CHEK2: variants seen among roughly 807,000 people sequenced by gnomAD.
CHEK2 encodes checkpoint kinase 2.
In CHEK2, 71 loss-of-function variants were observed where a neutral mutation model predicts 69.1. The ratio of observed to expected loss-of-function variants is 1.03; its 90% CI spans 0.85 to 1.25. The LOEUF (loss-of-function observed/expected upper bound fraction) is 1.25, where lower values mean the gene tolerates loss of function less well. CHEK2 is among the 50% of genes most tolerant of loss of function. The pLI is 0.00. For synonymous variants in CHEK2, 189 were observed against 226.9 expected (o/e 0.83, Z 1.50); for missense variants, 664 against 649.6 (o/e 1.02, Z -0.24).
chr22:28,730,790 G>A (rs1249133058), intron 2 of CHEK2, among the ~76,000 whole-genome samples: 1 of 152,090 alleles, frequency 6.6e-6, no homozygotes, highest in Non-Finnish European at 1.5e-5. Flanking sequence ...ACCGGGAGGA[G>A]GAGGTTGCGG....
chr22:28,732,758 G>A (rs1056914643), intron 2 of CHEK2, among the ~76,000 whole-genome samples: 13 of 151,954 alleles, frequency 8.6e-5, no homozygotes, highest in African/African-American at 3.1e-4. Flanking sequence ...ATTCTATCCT[G>A]TTAATGCCAA....
chr22:28,722,553 AAAAAAAGAAAAG>A (rs937316018), intron 4 of CHEK2, among the ~76,000 whole-genome samples: 6 of 151,268 alleles, frequency 4.0e-5, no homozygotes, highest in African/African-American at 1.5e-4. Flanking sequence ...AAAAAAAAAA[AAAAAAAGAAAAG>A]AAAAGAAAAG....
chr22:28,734,224 T>C lies in CHEK2; in HGVS notation c.319+179A>G, dbSNP rs144682905. ...ATCCTGTGACATGTACTTTAGCTTC[T>C]ATTGCCTTCCACTTCAATAAATCTA... is the stretch of plus-strand genomic sequence containing the variant. On this transcript the variant is annotated intron_variant, in intron 2 of 14. Transcript: ENST00000404276. Among the ~76,000 whole-genome samples the C allele has an allele frequency of 7.5e-3, 1,136 of 152,334 alleles. 16 individuals are homozygous for C. The highest frequency in any genetic ancestry group is 0.026 in the African/African-American group (1,095 of 41,570).
chr22:28,723,740 A>G (rs987831764), intron 4 of CHEK2, among the ~76,000 whole-genome samples: 5 of 151,978 alleles, frequency 3.3e-5, no homozygotes, highest in Non-Finnish European at 7.4e-5. Flanking sequence ...TTGAGCTCAG[A>G]AGTCTAAGAC....
At chr22:28,739,820 G>A (rs963206662) in intron 1 of CHEK2, among the ~76,000 whole-genome samples, 2 of 152,150 alleles carry the variant, frequency 1.3e-5, no homozygotes, top group African/African-American at 4.8e-5. Flanking sequence ...GAGTGCTCTT[G>A]ACATAAGTAA....
intron 2 of CHEK2, chr22:28,728,072 A>G (rs1388029623): frequency 3.3e-5 from 5 of 152,240 alleles, no homozygotes; most frequent in Admixed American, 3.3e-4. Context: ...TCGAGGCTGC[A>G]CTAAGCTGTG....
rs115106202 is a variant in CHEK2 at position 28,710,477 on chromosome 22, A to G, written c.793-418T>C. On this transcript the variant is annotated intron_variant, in intron 6 of 14. Transcript: ENST00000404276. The stretch of plus-strand genomic sequence containing the variant: ...CTATGGAACTATTTTTATTCATTAA[A>G]ATGATAAACAAAAAACATGAACAAG... Among the ~76,000 whole-genome samples the G allele has an allele frequency of 1.6e-3, 244 of 152,342 alleles. 1 individual carries two copies. The highest frequency in any genetic ancestry group is 5.7e-3 in the African/African-American group (239 of 41,576).
At chr22:28,709,438 GAACT>G (rs1484993987) in intron 7 of CHEK2, among the ~76,000 whole-genome samples, 1 of 152,070 alleles carries the variant, frequency 6.6e-6, no homozygotes, top group Non-Finnish European at 1.5e-5. Flanking sequence ...TTTTGGTCAA[GAACT>G]AACTCAGAAG....
chr22:28,698,542 C>A (rs2052685925), intron 9 of CHEK2, among the ~76,000 whole-genome samples: 1 of 152,060 alleles, frequency 6.6e-6, no homozygotes, highest in African/African-American at 2.4e-5. Context: ...GGAGGGCAAA[C>A]CTAGGTAGAT....
intron 7 of CHEK2, among the ~76,000 whole-genome samples, chr22:28,707,443 G>A (rs1043894219): frequency 6.6e-6 from 1 of 152,204 alleles, no homozygotes; most frequent in Admixed American, 6.5e-5. Flanking sequence ...TACTGAGACA[G>A]GAACCCAGTT....
intron 4 of CHEK2, among the ~76,000 whole-genome samples, chr22:28,723,408 C>T (rs9613666): frequency 0.27 from 40,175 of 150,460 alleles, 6,721 homozygotes; most frequent in Middle Eastern, 0.44. Flanking sequence ...ACCATCCTGG[C>T]TAAAACAGTG....
intron 9 of CHEK2, 80 bp from the exon 10 acceptor site, chr22:28,697,067 T>C: frequency 2.3e-6 from 2 of 860,158 alleles, no homozygotes; most frequent in Non-Finnish European, 2.0e-6. Flanking sequence ...CACACACATC[T>C]CACAGCTGGG....
chr22:28,692,266 C>T (rs2052395153), intron 13 of CHEK2, among the ~76,000 whole-genome samples: 1 of 152,190 alleles, frequency 6.6e-6, no homozygotes, highest in Non-Finnish European at 1.5e-5. Flanking sequence ...TATTAGGACA[C>T]ATGAAAAGAG....
At chr22:28,708,363 A>ACG (rs1555919268) in intron 7 of CHEK2, among the ~76,000 whole-genome samples, 1 of 139,668 alleles carries the variant, frequency 7.2e-6, no homozygotes, top group Non-Finnish European at 1.5e-5. Context: ...CTCTAAAAAT[A>ACG]TGTGTGTGTG....
intron 5 of CHEK2, among the ~76,000 whole-genome samples, chr22:28,717,748 G>A (rs781355897): frequency 2.0e-5 from 3 of 151,162 alleles, no homozygotes; most frequent in Non-Finnish European, 4.4e-5. Context: ...GTGTGGTGGC[G>A]GGCACCTGTA....
At chr22:28,723,091 G>A (rs1334242983) in intron 4 of CHEK2, among the ~76,000 whole-genome samples, 1 of 152,088 alleles carries the variant, frequency 6.6e-6, no homozygotes, top group Non-Finnish European at 1.5e-5. Flanking sequence ...GGTTGTTTTT[G>A]TCAGGTATCC....
At chr22:28,722,466 G>A (rs910965629) in intron 4 of CHEK2, among the ~76,000 whole-genome samples, 50 of 149,244 alleles carry the variant, frequency 3.4e-4, no homozygotes, top group Non-Finnish European at 6.5e-4. Context: ...CGTGAACCCA[G>A]GAGGCGGAGC....
chr22:28,712,124 A>C lies in CHEK2; in HGVS notation c.684-107T>G, dbSNP rs16986640. 0.041 allele frequency: 33,584 copies of C among 819,832 alleles called. 861 individuals are homozygous for C. The highest frequency in any genetic ancestry group is 0.068 in the East Asian group (2,665 of 39,000). 50.8% of individuals were successfully genotyped at this position (819,832 alleles called of 1,614,324 possible). ...AGAATTTACAGACATTCCATATAAC[A>C]GCCTTTCCATTGTCCCTGTTTGCAG... is the stretch of plus-strand genomic sequence containing the variant. On this transcript the variant is annotated intron_variant, in intron 5 of 14. Coordinates refer to ENST00000404276, the MANE Select transcript of CHEK2 (RefSeq NM_007194.4).
intron 1 of CHEK2, among the ~76,000 whole-genome samples, chr22:28,735,824 C>T (rs1224606642): frequency 6.6e-6 from 1 of 151,446 alleles, no homozygotes; most frequent in Admixed American, 6.6e-5. Context: ...AGAGGTTGCA[C>T]TGAGCTGAGA....
Sources: allele counts gnomAD v4.1 joint callset (sites outside exome capture counted in the v4.1 genomes callset), GRCh38; gene constraint gnomAD v4.1.1; transcripts MANE v1.5; gene names NCBI Gene and HGNC (gene_info 2026-07-23, HGNC 2026-07-21).